The following CDH18 variants were observed in gnomAD, a reference collection of about 807,000 sequenced individuals.
The protein encoded by CDH18 is cadherin-18.
CDH18 carries 31 observed loss-of-function variants against 67.9 expected under a neutral mutation model. That is an observed-to-expected ratio of 0.46 (90% CI 0.34 to 0.62). The LOEUF (loss-of-function observed/expected upper bound fraction) is 0.62. CDH18 is among the 20% of genes least tolerant of loss of function. CDH18 has a pLI of 0.01. For synonymous variants in CDH18, 362 were observed against 347.2 expected (o/e 1.04, Z -0.48); for missense variants, 890 against 975.5 (o/e 0.91, Z 1.17).
intron 3 of CDH18, among the ~76,000 whole-genome samples, chr5:19,760,763 T>C (rs765148225): frequency 7.9e-5 from 12 of 152,162 alleles, no homozygotes; most frequent in African/African-American, 1.7e-4. Context: ...ACTTTAGTTA[T>C]AGATTTAGAA....
At chr5:19,999,580 C>A (rs1213782658) in intron 2 of CDH18, among the ~76,000 whole-genome samples, 1 of 151,892 alleles carries the variant, frequency 6.6e-6, no homozygotes, top group Non-Finnish European at 1.5e-5. Context: ...CCAGGCTGGG[C>A]AAAAAGAATG....
At position 20,216,759 on chromosome 5, in the gene CDH18, G is replaced by A. The variant is rs73054740; in HGVS notation, c.-518+38685C>T. ...CAGCAGCAGAAGCATCAAGAGCAAC[G>A]ACAAAACAAAAGAAAACTGTAGAAC... is the stretch of plus-strand genomic sequence containing the variant. On this transcript the variant is annotated intron_variant, in intron 2 of 14. Transcript: ENST00000507958. 2.1e-3 allele frequency among the ~76,000 whole-genome samples: 312 copies of A among 151,878 alleles called. 1 individual carries two copies. The highest frequency in any genetic ancestry group is 7.2e-3 in the African/African-American group (297 of 41,490).
Position 19,942,388 on chromosome 5 carries a change from A to C in CDH18, c.-257+38672T>G, listed in dbSNP as rs144508520. Reference sequence around the variant, plus strand: ...TCAGCTGTGAATTGCTGACGGCTGAATGAAGAATGCTACCATTTAGAAGTG... The same window carrying C: ...TCAGCTGTGAATTGCTGACGGCTGACTGAAGAATGCTACCATTTAGAAGTG... On this transcript the variant is annotated intron_variant, in intron 2 of 12. Coordinates refer to ENST00000382275, the MANE Select transcript of CDH18 (RefSeq NM_004934.5). Among the ~76,000 whole-genome samples, 5 of 152,322 alleles carry C rather than the reference A, an allele frequency of 3.3e-5. No individual in the cohort carries two copies. The East Asian group carries it at 9.7e-4, about 29-fold the overall frequency.
In CDH18 at chr5:19,871,869, T is replaced by C. The variant is rs139305642; in HGVS notation, c.-256-32627A>G. On this transcript the variant is annotated intron_variant, in intron 2 of 12. Transcript: ENST00000382275. ...GCCATGAAGCTTGTGTGGACCTTAC[T>C]AAGATGTCCAGTAAGTATCAATACA... Among the ~76,000 whole-genome samples, 1,050 of 152,300 alleles carry C rather than the reference T, an allele frequency of 6.9e-3. 6 individuals are homozygous for C. Among genetic ancestry groups the C allele is most frequent in the Non-Finnish European group, 0.013 (852 of 68,016 alleles).
chr5:19,923,667 A>G (rs1344372320), intron 2 of CDH18, among the ~76,000 whole-genome samples: 1 of 152,152 alleles, frequency 6.6e-6, no homozygotes, highest in Non-Finnish European at 1.5e-5. Flanking sequence ...TCTTATAATC[A>G]TATCTCTAAC....
intron 2 of CDH18, among the ~76,000 whole-genome samples, chr5:20,048,859 C>T (rs1421594660): frequency 1.3e-5 from 2 of 151,482 alleles, no homozygotes. Flanking sequence ...TCTATCTCAC[C>T]ATCTTCTTGG....
intron 2 of CDH18, among the ~76,000 whole-genome samples, chr5:20,032,074 A>T (rs1739447403): frequency 6.6e-6 from 1 of 152,064 alleles, no homozygotes; most frequent in African/African-American, 2.4e-5. Context: ...CCCTTTTAAA[A>T]AGCTTATTTT....
chr5:19,557,012 A>C (rs1425094145), intron 8 of CDH18, among the ~76,000 whole-genome samples: 1 of 152,188 alleles, frequency 6.6e-6, no homozygotes, highest in African/African-American at 2.4e-5. Context: ...CTTCTCAGTC[A>C]AGAATTTTTT....
At chr5:20,219,569 G>C (rs1741059972) in intron 2 of CDH18, among the ~76,000 whole-genome samples, 1 of 148,682 alleles carries the variant, frequency 6.7e-6, no homozygotes, top group African/African-American at 2.5e-5. Flanking sequence ...GATAAACATT[G>C]ACACAAAATA....
chr5:20,241,582 T>TGGCTC (rs1488261725), intron 2 of CDH18, among the ~76,000 whole-genome samples: 1 of 151,954 alleles, frequency 6.6e-6, no homozygotes, highest in East Asian at 1.9e-4. Context: ...CCGGGTGGGG[T>TGGCTC]GGCTCATGCC....
intron 1 of CDH18, among the ~76,000 whole-genome samples, chr5:20,467,235 A>C (rs914140178): frequency 6.6e-6 from 1 of 152,072 alleles, no homozygotes; most frequent in African/African-American, 2.4e-5. Flanking sequence ...TGATTCTAAA[A>C]GATTAAAGAG....
intron 2 of CDH18, among the ~76,000 whole-genome samples, chr5:20,242,278 T>C (rs1742986134): frequency 6.6e-6 from 1 of 152,034 alleles, no homozygotes; most frequent in Non-Finnish European, 1.5e-5. Context: ...TGATTATCAT[T>C]TGGTTGCGGC....
intron 2 of CDH18, among the ~76,000 whole-genome samples, chr5:20,251,855 G>T (rs1743884093): frequency 6.6e-6 from 1 of 152,072 alleles, no homozygotes; most frequent in East Asian, 1.9e-4. Context: ...CTAATGTTTT[G>T]CAATACCAGC....
chr5:20,423,946 C>CAAAAAAAAAAAAAA (rs553723574), intron 1 of CDH18, among the ~76,000 whole-genome samples: 11 of 63,822 alleles, frequency 1.7e-4, no homozygotes, highest in African/African-American at 8.9e-4. Context: ...GACTCCGTCT[C>CAAAAAAAAAAAAAA]AAAAAAAAAA....
intron 11 of CDH18, 138 bp downstream of exon 11, chr5:19,502,854 G>C: frequency 1.4e-6 from 1 of 711,678 alleles, no homozygotes; most frequent in East Asian, 2.6e-5. Flanking sequence ...GCTATTCACA[G>C]ATCATAACAC....
chr5:20,084,945 G>A (rs939508007), intron 2 of CDH18, among the ~76,000 whole-genome samples: 7 of 152,128 alleles, frequency 4.6e-5, no homozygotes, highest in Non-Finnish European at 7.3e-5. Flanking sequence ...CCTCTGACAT[G>A]CCCTGGAGAC....
chr5:20,160,918 G>A (rs1320499166), intron 2 of CDH18, among the ~76,000 whole-genome samples: 3 of 152,190 alleles, frequency 2.0e-5, no homozygotes, highest in Non-Finnish European at 2.9e-5. Flanking sequence ...TATAAAAAAA[G>A]AATAACTTGT....
rs80345563 is a variant in CDH18 at position 19,739,923 on chromosome 5, T to C, written c.523+7019A>G. ...TCAGCACAGCTGGTGTCTCTTCTTGTTGCTCTGCAGCAAGAAACACAGCTG... is the reference window on the plus strand; with the variant it reads ...TCAGCACAGCTGGTGTCTCTTCTTGCTGCTCTGCAGCAAGAAACACAGCTG... On this transcript the variant is annotated intron_variant, in intron 4 of 12. Coordinates refer to ENST00000382275, the MANE Select transcript of CDH18 (RefSeq NM_004934.5). Among the ~76,000 whole-genome samples the C allele has an allele frequency of 4.6e-4, 70 of 152,252 alleles. No homozygotes were observed. The East Asian group carries it at 0.013, about 28-fold the overall frequency.
chr5:19,859,989 G>GGTGTGTGTGTGTGT (rs3065070), intron 2 of CDH18, among the ~76,000 whole-genome samples: 9,556 of 143,110 alleles, frequency 0.067, 379 homozygotes, highest in Non-Finnish European at 0.082. Flanking sequence ...GTTTGCTTTG[G>GGTGTGTGTGTGTGT]GTGTGTGTGT....
Sources: allele counts gnomAD v4.1 joint callset (sites outside exome capture counted in the v4.1 genomes callset), GRCh38; gene constraint gnomAD v4.1.1; transcripts MANE v1.5; gene names NCBI Gene and HGNC (gene_info 2026-07-23, HGNC 2026-07-21).